Variants in ANKRD44 observed in about 807,000 individuals in gnomAD.
ANKRD44 encodes ankyrin repeat domain 44.
A neutral mutation model predicts 116.0 loss-of-function variants in ANKRD44; 35 were observed. The ratio of observed to expected loss-of-function variants is 0.30; its 90% confidence interval spans 0.23 to 0.40. The LOEUF (loss-of-function observed/expected upper bound fraction) is 0.40. Among genes scored for constraint, ANKRD44 ranks in the 10% least tolerant of loss-of-function variants. The pLI is 1.00. For missense variants in ANKRD44, 1,014 were observed against 1,242.6 expected (o/e 0.82, Z 2.77); for synonymous variants, 435 against 461.8 (o/e 0.94, Z 0.74).
chr2:196,972,234 C>T (rs919575210), intron 21 of ANKRD44, among the ~76,000 whole-genome samples: 1 of 152,094 alleles, frequency 6.6e-6, no homozygotes, highest in African/African-American at 2.4e-5. Context: ...GACAGGATCT[C>T]GCTTTGTTAC....
chr2:197,212,109 T>C lies in ANKRD44; in HGVS notation c.28-25003A>G, dbSNP rs989496748. ...ACCACTTTGGGGGAAGGAGAGGAGATATTGCAGAGCTAGAGTTTTGGAACT... is the reference window on the plus strand; with the variant it reads ...ACCACTTTGGGGGAAGGAGAGGAGACATTGCAGAGCTAGAGTTTTGGAACT... On this transcript the variant is annotated intron_variant, in intron 1 of 27. Coordinates refer to ENST00000282272, the MANE Select transcript of ANKRD44 (RefSeq NM_001195144.2). This position sits in a 1 kb window ranked among gnomAD's most constrained non-coding sequence, Gnocchi z 4.8. Among the ~76,000 whole-genome samples the C allele has an allele frequency of 6.6e-6, 1 of 151,696 alleles. No homozygotes were observed. The highest frequency in any genetic ancestry group is 1.5e-5 in the Non-Finnish European group (1 of 67,944).
intron 6 of ANKRD44, among the ~76,000 whole-genome samples, chr2:197,123,592 C>T (rs989074888): frequency 3.3e-4 from 51 of 152,336 alleles, no homozygotes; most frequent in African/African-American, 1.2e-3. Flanking sequence ...CATCACACCA[C>T]TGCACTCCTG....
At chr2:197,064,087 A>C (rs1307642362) in intron 16 of ANKRD44, among the ~76,000 whole-genome samples, 1 of 152,244 alleles carries the variant, frequency 6.6e-6, no homozygotes, top group Non-Finnish European at 1.5e-5. Context: ...AGCCCATCAG[A>C]CTAACAGCTG....
chr2:197,115,702 C>T (rs2078692344), intron 8 of ANKRD44, among the ~76,000 whole-genome samples: 1 of 152,186 alleles, frequency 6.6e-6, no homozygotes, highest in Non-Finnish European at 1.5e-5. Flanking sequence ...TACAAATTGT[C>T]TTGCAATCTA....
intron 16 of ANKRD44, among the ~76,000 whole-genome samples, chr2:197,070,170 A>G (rs972014997): frequency 5.9e-5 from 9 of 152,144 alleles, no homozygotes; most frequent in Non-Finnish European, 8.8e-5. Flanking sequence ...TATGTAGACA[A>G]TGATGTCATC....
chr2:197,099,404 C>A, intron 10 of ANKRD44: 1 of 560,508 alleles, frequency 1.8e-6, no homozygotes, highest in South Asian at 7.6e-5. Context: ...TCCCCCTTCC[C>A]TACATAGCAG....
rs536482382 is a variant in ANKRD44, at chr2:197,165,730, A to G, written c.112-18625T>C. Among the ~76,000 whole-genome samples, 103 of 152,348 alleles carry G rather than the reference A, an allele frequency of 6.8e-4. 1 individual carries two copies. The highest frequency in any genetic ancestry group is 2.2e-3 in the African/African-American group (90 of 41,582). On this transcript the variant is annotated intron_variant, in intron 2 of 27. Transcript: ENST00000282272. ...ATATGATGCTGGCATATATAGCATC[A>G]GGAACCATTTACCCTAAGACCTAAG...
intron 1 of ANKRD44, among the ~76,000 whole-genome samples, chr2:197,254,341 G>A (rs910076138): frequency 6.6e-5 from 10 of 151,976 alleles, no homozygotes; most frequent in South Asian, 2.1e-4. Context: ...CTGAGAAAGC[G>A]CCACTACACT....
intron 1 of ANKRD44, among the ~76,000 whole-genome samples, chr2:197,279,020 A>G (rs1402271216): frequency 6.6e-6 from 1 of 152,200 alleles, no homozygotes; most frequent in Non-Finnish European, 1.5e-5. Context: ...GTGTTGTGAG[A>G]AGGTCAGACT....
At chr2:197,061,782 C>T (rs1438601075) in intron 16 of ANKRD44, among the ~76,000 whole-genome samples, 1 of 47,642 alleles carries the variant, frequency 2.1e-5, no homozygotes, top group Non-Finnish European at 6.8e-5. Context: ...AATATCCATG[C>T]CTTTTTTTTT....
At chr2:197,186,934 AT>A in intron 2 of ANKRD44, 88 bp downstream of exon 2, 1 of 1,031,920 alleles carries the variant, frequency 9.7e-7, no homozygotes, top group Non-Finnish European at 1.5e-6. Flanking sequence ...TTCACCAGAT[AT>A]CAAGAGTCCA....
chr2:197,102,268 C>T (rs1012983010), intron 9 of ANKRD44, among the ~76,000 whole-genome samples: 1 of 152,098 alleles, frequency 6.6e-6, no homozygotes, highest in African/African-American at 2.4e-5. Flanking sequence ...TGGAATGCCA[C>T]AGTGAATAAT....
chr2:196,992,258 C>T (rs1351041639), intron 27 of ANKRD44, among the ~76,000 whole-genome samples: 1 of 152,172 alleles, frequency 6.6e-6, no homozygotes, highest in Non-Finnish European at 1.5e-5. Flanking sequence ...ACTCGACCTG[C>T]TCTCCCCACC....
chr2:197,104,794 T>C (rs1371244242), intron 9 of ANKRD44, among the ~76,000 whole-genome samples: 1 of 152,234 alleles, frequency 6.6e-6, no homozygotes, highest in African/African-American at 2.4e-5. Flanking sequence ...AAATATTTGC[T>C]ACAAAGTGAA....
chr2:196,982,400 C>T (rs982744987), downstream of ANKRD44, among the ~76,000 whole-genome samples: 1 of 152,112 alleles, frequency 6.6e-6, no homozygotes, highest in African/African-American at 2.4e-5. Flanking sequence ...TCATAGCAGG[C>T]TGTTTCCTTG....
intron 2 of ANKRD44, among the ~76,000 whole-genome samples, chr2:197,156,816 T>C (rs2079827542): frequency 6.6e-6 from 1 of 152,226 alleles, no homozygotes; most frequent in South Asian, 2.1e-4. Flanking sequence ...TCAAAATAAT[T>C]GTGTGAGTGA....
intron 16 of ANKRD44, among the ~76,000 whole-genome samples, chr2:197,044,235 G>C (rs1039325156): frequency 2.0e-5 from 3 of 152,152 alleles, no homozygotes; most frequent in Non-Finnish European, 4.4e-5. Flanking sequence ...TTTCCTAAAT[G>C]GTTGATAAAC....
At chr2:197,244,347 T>G (rs2082146978) in intron 1 of ANKRD44, among the ~76,000 whole-genome samples, 1 of 152,242 alleles carries the variant, frequency 6.6e-6, no homozygotes. Flanking sequence ...AGAAAGCCAC[T>G]TCCCACCTTC....
intron 8 of ANKRD44, among the ~76,000 whole-genome samples, chr2:197,118,652 A>AAAGAAAAAAAGG (rs1245548657): frequency 2.0e-5 from 3 of 150,786 alleles, no homozygotes; most frequent in Non-Finnish European, 4.4e-5. Context: ...AGAAAGAAAG[A>AAAGAAAAAAAGG]AAGAAAGAAA....
Sources: allele counts gnomAD v4.1 joint callset (sites outside exome capture counted in the v4.1 genomes callset), GRCh38; gene constraint gnomAD v4.1.1; non-coding constraint Gnocchi (gnomAD v3.1); transcripts MANE v1.5; gene names NCBI Gene and HGNC (gene_info 2026-07-23, HGNC 2026-07-21).